The following SOX5 variants were observed in gnomAD, a reference collection of about 807,000 sequenced individuals.
The protein encoded by SOX5 is SRY-box transcription factor 5.
SOX5 carries 9 observed loss-of-function variants against 92.0 expected under a neutral mutation model. The ratio of observed to expected loss-of-function variants is 0.10; its 90% confidence interval spans 0.06 to 0.17. SOX5 has a LOEUF of 0.17. Ranked by LOEUF, SOX5 falls within the 10% of genes least tolerant of loss-of-function variation. SOX5 has a pLI of 1.00. For missense variants in SOX5, 642 were observed against 944.5 expected, an observed-to-expected ratio of 0.68 and a Z score of 4.20; for synonymous variants, 344 against 336.3, an observed-to-expected ratio of 1.02 and a Z score of -0.25.
At chr12:23,737,524 T>G (rs1356304461) in intron 5 of SOX5, among the ~76,000 whole-genome samples, 1 of 152,034 alleles carries the variant, frequency 6.6e-6, no homozygotes, top group African/African-American at 2.4e-5. Context: ...CAGGTGACAA[T>G]GCGAGACTCC....
chr12:24,387,506 C>T (rs548145556), intron 1 of SOX5, among the ~76,000 whole-genome samples: 24 of 152,226 alleles, frequency 1.6e-4, no homozygotes, highest in Non-Finnish European at 1.0e-4. Context: ...AGGAGTGATG[C>T]ATGGCAGAGA....
intron 4 of SOX5, among the ~76,000 whole-genome samples, chr12:24,024,939 G>T (rs1404479582): frequency 1.3e-5 from 2 of 151,892 alleles, no homozygotes; most frequent in Non-Finnish European, 2.9e-5. Context: ...CTCTGAACAA[G>T]ATAACCTATA....
intron 2 of SOX5, among the ~76,000 whole-genome samples, chr12:24,341,640 A>G (rs1252448202): frequency 6.6e-6 from 1 of 152,224 alleles, no homozygotes; most frequent in Admixed American, 6.5e-5. Flanking sequence ...AAATCCTGCA[A>G]ATAACATTTC....
chr12:23,806,617 T>A (rs2095780249), intron 3 of SOX5, among the ~76,000 whole-genome samples: 1 of 137,906 alleles, frequency 7.3e-6, no homozygotes, highest in Non-Finnish European at 1.6e-5. Flanking sequence ...AAACTTTTCC[T>A]AAAACAAGAA....
intron 2 of SOX5, among the ~76,000 whole-genome samples, chr12:24,322,501 AC>A (rs1049035088): frequency 1.3e-5 from 2 of 152,178 alleles, no homozygotes; most frequent in African/African-American, 4.8e-5. Context: ...GTGTATGCAC[AC>A]GTAAGTGTGT....
At chr12:24,227,291 T>C (rs1403093207) in intron 3 of SOX5, 3 of 152,120 alleles carry the variant, frequency 2.0e-5, no homozygotes, top group African/African-American at 7.2e-5. Context: ...GACCAGAGCT[T>C]CCCCAGGAAG....
intron 4 of SOX5, among the ~76,000 whole-genome samples, chr12:24,025,150 G>A (rs1003017701): frequency 6.6e-6 from 1 of 151,962 alleles, no homozygotes; most frequent in Non-Finnish European, 1.5e-5. Flanking sequence ...GAAAAGACAA[G>A]AGAAAACAGA....
chr12:23,770,708 G>A (rs2094904604), intron 3 of SOX5, among the ~76,000 whole-genome samples: 1 of 152,144 alleles, frequency 6.6e-6, no homozygotes, highest in Non-Finnish European at 1.5e-5. Context: ...GCACCTAACT[G>A]ACAAATACTA....
chr12:24,408,119 T>G (rs1028715703), intron 1 of SOX5, among the ~76,000 whole-genome samples: 1 of 152,076 alleles, frequency 6.6e-6, no homozygotes. Context: ...GGTGAGAGCT[T>G]GCTAAGCGTG....
At chr12:24,376,688 AC>A (rs201815737) in intron 1 of SOX5, among the ~76,000 whole-genome samples, 11 of 103,076 alleles carry the variant, frequency 1.1e-4, no homozygotes, top group Admixed American at 1.1e-4. Context: ...TGGGAGAGAT[AC>A]CTTTTTTTTT....
chr12:23,884,371 T>C (rs2097036412), intron 2 of SOX5, among the ~76,000 whole-genome samples: 1 of 152,182 alleles, frequency 6.6e-6, no homozygotes, highest in Non-Finnish European at 1.5e-5. Flanking sequence ...AGAACACAAA[T>C]TAATATATTA....
At chr12:24,410,243 T>C (rs1036692593) in intron 1 of SOX5, among the ~76,000 whole-genome samples, 2 of 152,092 alleles carry the variant, frequency 1.3e-5, no homozygotes, top group African/African-American at 4.8e-5. Context: ...ATTGATCCGC[T>C]TGCCTCGGCC....
intron 3 of SOX5, among the ~76,000 whole-genome samples, chr12:24,215,374 T>G (rs1379529737): frequency 6.6e-6 from 1 of 152,180 alleles, no homozygotes; most frequent in Admixed American, 6.5e-5. Context: ...ATTAAAAAAC[T>G]ATAAGAGCTA....
At chr12:24,135,994 C>A (rs983303153) in intron 4 of SOX5, among the ~76,000 whole-genome samples, 13 of 152,122 alleles carry the variant, frequency 8.5e-5, no homozygotes, top group Non-Finnish European at 5.9e-5. Context: ...CAGTGCTATA[C>A]TTTAGGGCAA....
chr12:23,788,669 G>A (rs2095421098), intron 3 of SOX5, among the ~76,000 whole-genome samples: 2 of 151,970 alleles, frequency 1.3e-5, no homozygotes, highest in Non-Finnish European at 2.9e-5. Context: ...TTTTGTAAGT[G>A]AGCTTTTGAT....
chr12:24,536,100 C>T (rs1270596403), intron 1 of SOX5, among the ~76,000 whole-genome samples: 1 of 152,146 alleles, frequency 6.6e-6, no homozygotes, highest in East Asian at 1.9e-4. Context: ...ACTGTTAACC[C>T]TTGGAAGATA....
intron 3 of SOX5, among the ~76,000 whole-genome samples, chr12:23,774,814 G>A (rs2095047894): frequency 1.3e-5 from 2 of 152,208 alleles, no homozygotes; most frequent in South Asian, 4.1e-4. Flanking sequence ...AGCTAATTGG[G>A]AAAATATGAA....
chr12:24,523,208 T>C (rs565622057), intron 1 of SOX5, among the ~76,000 whole-genome samples: 61 of 152,024 alleles, frequency 4.0e-4, no homozygotes, highest in Non-Finnish European at 4.3e-4. Context: ...ACTCGTACAC[T>C]GAAAACTATA....
chr12:23,797,373 T>C (rs1159120771), intron 3 of SOX5, among the ~76,000 whole-genome samples: 1 of 152,036 alleles, frequency 6.6e-6, no homozygotes, highest in African/African-American at 2.4e-5. Context: ...CACCAGGCTA[T>C]GTGGGTCGGT....
Sources: gnomAD v4.1 joint callset for allele counts (sites outside exome capture counted in the v4.1 genomes callset) on GRCh38, gnomAD v4.1.1 for gene constraint, MANE v1.5 for transcripts, NCBI Gene and HGNC (gene_info 2026-07-23, HGNC 2026-07-21) for gene names.